The following IMPA2 variants were observed in gnomAD, a reference collection of about 807,000 sequenced individuals.
IMPA2 encodes the protein inositol monophosphatase 2, also known as IMP 2.
IMPA2 carries 32 observed loss-of-function variants against 35.1 expected under a neutral mutation model. That is an observed-to-expected ratio of 0.91 (90% confidence interval 0.69 to 1.23). The LOEUF (loss-of-function observed/expected upper bound fraction) is 1.23. IMPA2 is among the 50% of genes most tolerant of loss of function. The pLI is 0.00. For synonymous variants in IMPA2, 135 were observed against 160.6 expected, an observed-to-expected ratio of 0.84 and a Z score of 1.20; for missense variants, 334 against 387.6, an observed-to-expected ratio of 0.86 and a Z score of 1.16.
At chr18:11,986,899 G>T (rs1906682432) in intron 1 of IMPA2, among the ~76,000 whole-genome samples, 1 of 152,250 alleles carries the variant, frequency 6.6e-6, no homozygotes, top group African/African-American at 2.4e-5. Context: ...TGGCCATGCA[G>T]ATGTAACTCA....
Position 12,014,314 on chromosome 18 carries a change from G to A in IMPA2, c.431G>A (p.Gly144Asp), listed in dbSNP as rs756854960. 1.2e-6 allele frequency: 2 copies of A among 1,611,922 alleles called. No individual in the cohort carries two copies. Among genetic ancestry groups the A allele is most frequent in the Admixed American group, 3.4e-5 (2 of 59,652 alleles). Residue 144 changes from glycine to aspartate, a missense_variant, in exon 5 of 8, where the codon GGC (glycine) becomes GAC (aspartate). Coordinates refer to ENST00000269159, the MANE Select transcript of IMPA2 (RefSeq NM_014214.3). ...YHCTEERLYT[G>D]RRGRGAFCNG... is the part of the protein sequence containing the mutation. ...TGCACAGAGGAGCGGCTGTACACGGGCCGGCGGGGTCGGGGCGCCTTCTGC... is the reference window on the plus strand; with the variant it reads ...TGCACAGAGGAGCGGCTGTACACGGACCGGCGGGGTCGGGGCGCCTTCTGC...
chr18:11,989,549 T>G (rs963010583), intron 1 of IMPA2, among the ~76,000 whole-genome samples: 15 of 151,938 alleles, frequency 9.9e-5, no homozygotes, highest in Non-Finnish European at 2.1e-4. Flanking sequence ...TCTCCAAGGG[T>G]CCGAGGCCCA....
intron 1 of IMPA2, among the ~76,000 whole-genome samples, chr18:11,988,346 G>A (rs1262815358): frequency 6.6e-6 from 1 of 152,046 alleles, no homozygotes; most frequent in African/African-American, 2.4e-5. Context: ...TTAAAATGAT[G>A]GTAATAACAC....
intron 2 of IMPA2, among the ~76,000 whole-genome samples, chr18:12,001,374 C>T (rs942160818): frequency 6.6e-6 from 1 of 152,068 alleles, no homozygotes. Context: ...GAGGTTTCTG[C>T]GGTGATGATC....
At chr18:12,005,457 C>T (rs570690489) in intron 2 of IMPA2, among the ~76,000 whole-genome samples, 1 of 151,558 alleles carries the variant, frequency 6.6e-6, no homozygotes, top group South Asian at 2.1e-4. Flanking sequence ...TGCACTCCAG[C>T]CTGGCTGACA....
At chr18:12,020,967 AC>A (rs1425852904) in intron 5 of IMPA2, among the ~76,000 whole-genome samples, 1 of 143,912 alleles carries the variant, frequency 6.9e-6, no homozygotes, top group Non-Finnish European at 1.5e-5. Flanking sequence ...CTTTTTGGTT[AC>A]CTACTGTTAC....
chr18:12,017,361 A>C (rs1907607127), intron 5 of IMPA2, among the ~76,000 whole-genome samples: 1 of 152,216 alleles, frequency 6.6e-6, no homozygotes. Flanking sequence ...CTCCAAAAAC[A>C]GACTGCTCTC....
intron 2 of IMPA2, among the ~76,000 whole-genome samples, chr18:12,000,595 T>C (rs892055043): frequency 1.3e-5 from 2 of 149,500 alleles, no homozygotes; most frequent in African/African-American, 2.5e-5. Flanking sequence ...ACAGTAGTTA[T>C]AGGGTGTAAA....
intron 5 of IMPA2, chr18:12,017,723 G>A: frequency 3.0e-6 from 1 of 336,716 alleles, no homozygotes; most frequent in Non-Finnish European, 5.8e-6. Context: ...TGAGTAGCTG[G>A]GACTACAGGC....
Position 12,013,729 on chromosome 18 carries a change from G to C in IMPA2, c.382-536G>C, listed in dbSNP as rs1400460451. On this transcript the variant is annotated intron_variant, in intron 4 of 7. Coordinates refer to ENST00000269159, the MANE Select transcript of IMPA2 (RefSeq NM_014214.3). ...GTCTGATGCTTTGTTCCCTGATGTG[G>C]GGCAGTCGGGCCACTGTTCAGCGCA... Among the ~76,000 whole-genome samples the C allele has an allele frequency of 2.6e-5, 4 of 152,248 alleles. No homozygotes were observed. In the East Asian group the frequency reaches 7.7e-4, roughly 29 times the overall value.
chr18:11,998,695 C>G (rs1334099271), intron 1 of IMPA2, among the ~76,000 whole-genome samples: 4 of 152,172 alleles, frequency 2.6e-5, no homozygotes, highest in Admixed American at 6.5e-5. Flanking sequence ...GTTTCATGCT[C>G]TTTTCAAAAC....
At position 12,010,027 on chromosome 18, in the gene IMPA2, A is replaced by G. The variant is rs1323312853; in HGVS notation, c.335+40A>G. The stretch of plus-strand genomic sequence containing the variant: ...GATCGCCTCCATTGCAGGGCTTAAC[A>G]TGTCCTCTTCTGTGAGGTTTTGTCT... On this transcript the variant is annotated intron_variant, in intron 3 of 7. Coordinates refer to ENST00000269159, the MANE Select transcript of IMPA2 (RefSeq NM_014214.3). This position sits in a 1 kb window ranked among gnomAD's most constrained non-coding sequence, Gnocchi z 4.8. 2.7e-6 allele frequency: 4 copies of G among 1,459,286 alleles called. No homozygotes were observed. The highest frequency in any genetic ancestry group is 1.4e-5 in the African/African-American group (1 of 71,900). The allele number at this position is 1,459,286 out of a possible 1,614,324, so 90.4% of individuals were successfully genotyped here.
intron 5 of IMPA2, among the ~76,000 whole-genome samples, chr18:12,024,146 T>G (rs922218473): frequency 2.0e-5 from 3 of 152,290 alleles, no homozygotes; most frequent in South Asian, 2.1e-4. Flanking sequence ...AGTGCGGCTG[T>G]TAAGAGTAAG....
At chr18:12,002,070 T>G (rs755916832) in intron 2 of IMPA2, among the ~76,000 whole-genome samples, 2 of 152,246 alleles carry the variant, frequency 1.3e-5, no homozygotes, top group Non-Finnish European at 2.9e-5. Flanking sequence ...GAGTTTTTTT[T>G]GCCAATGACT....
chr18:12,005,696 G>C (rs747838), intron 2 of IMPA2, among the ~76,000 whole-genome samples: 21,950 of 152,120 alleles, frequency 0.14, 1,836 homozygotes, highest in African/African-American at 0.22. Context: ...CAGAGCTCCT[G>C]CTCCCGAGTG....
intron 7 of IMPA2, 37 bp from the exon 8 acceptor site, chr18:12,030,306 G>A: frequency 1.3e-6 from 2 of 1,519,148 alleles, no homozygotes; most frequent in Non-Finnish European, 1.8e-6. Context: ...GCCCTCTCTG[G>A]TAACCCGGAT....
chr18:11,988,994 A>AT (rs1332055895), intron 1 of IMPA2, among the ~76,000 whole-genome samples: 1 of 151,922 alleles, frequency 6.6e-6, no homozygotes, highest in Non-Finnish European at 1.5e-5. Flanking sequence ...GATAATATGT[A>AT]TTTTTTAATT....
At chr18:11,997,743 T>A (rs1907001112) in intron 1 of IMPA2, among the ~76,000 whole-genome samples, 1 of 152,290 alleles carries the variant, frequency 6.6e-6, no homozygotes, top group African/African-American at 2.4e-5. Context: ...ACCTGGCCAA[T>A]TGATGGTCCT....
chr18:12,002,664 A>G (rs1395283354), intron 2 of IMPA2, among the ~76,000 whole-genome samples: 2 of 151,620 alleles, frequency 1.3e-5, no homozygotes, highest in African/African-American at 4.8e-5. Context: ...GCTCCCAGCT[A>G]CTTGGAAGGC....
Sources: gnomAD v4.1 joint callset for allele counts (sites outside exome capture counted in the v4.1 genomes callset) on GRCh38, gnomAD v4.1.1 for gene constraint, Gnocchi (gnomAD v3.1) non-coding constraint, MANE v1.5 for transcripts, NCBI Gene and HGNC (gene_info 2026-07-23, HGNC 2026-07-21) for gene names.